The following FNDC3B variants were observed in gnomAD, a reference collection of about 807,000 sequenced individuals.
FNDC3B encodes the protein fibronectin type III domain-containing protein 3B.
In FNDC3B, 12 loss-of-function variants were observed where a neutral mutation model predicts 151.5. The observed-to-expected ratio is 0.08, with a 90% confidence interval of 0.05 to 0.13. The LOEUF (loss-of-function observed/expected upper bound fraction) is 0.13, where lower values mean the gene tolerates loss of function less well. FNDC3B is among the 10% of genes least tolerant of loss of function. FNDC3B has a pLI of 1.00. For missense variants in FNDC3B, 1,214 were observed against 1,505.3 expected, an observed-to-expected ratio of 0.81 and a Z score of 3.20; for synonymous variants, 528 against 549.0, an observed-to-expected ratio of 0.96 and a Z score of 0.54.
In FNDC3B at chr3:172,228,995, G is replaced by A. The variant is rs140505653; in HGVS notation, c.264+2048G>A. 2.0e-4 allele frequency among the ~76,000 whole-genome samples: 31 copies of A among 151,884 alleles called. 1 individual carries two copies. Among genetic ancestry groups the A allele is most frequent in the Non-Finnish European group, 2.9e-4 (20 of 67,982 alleles). On this transcript the variant is annotated intron_variant, in intron 4 of 25. Transcript: ENST00000415807. ...ACACTTCAATGAAATGAGGAAGGCC[G>A]AACCAAATATAAAATGTCTTAGTTG... is the stretch of plus-strand genomic sequence containing the variant.
intron 9 of FNDC3B, chr3:172,302,530 A>G (rs190592824): frequency 3.3e-5 from 5 of 152,286 alleles, no homozygotes; most frequent in African/African-American, 9.6e-5. Flanking sequence ...CACTTTTACT[A>G]TGAGGTTTTG....
rs113825796 is a variant in FNDC3B at position 172,270,143 on chromosome 3, A to G, written c.791-15783A>G. The stretch of plus-strand genomic sequence containing the variant: ...ATTTGACTGTTTTCCTAAATTTCCA[A>G]TGTTATTGTAGTGCTTGTTTTGTAA... On this transcript the variant is annotated intron_variant, in intron 6 of 25. Transcript: ENST00000415807. 3.0e-3 allele frequency among the ~76,000 whole-genome samples: 461 copies of G among 152,332 alleles called. 4 individuals carry two copies. The highest frequency in any genetic ancestry group is 0.011 in the African/African-American group (448 of 41,570).
intron 4 of FNDC3B, among the ~76,000 whole-genome samples, chr3:172,239,057 T>A (rs573245345): frequency 6.5e-4 from 99 of 151,802 alleles, no homozygotes; most frequent in Middle Eastern, 3.4e-3. Context: ...TAATTTATTT[T>A]TTTTTTTTTA....
intron 11 of FNDC3B, 120 bp from the exon 12 acceptor site, chr3:172,328,832 C>T (rs1732485411): frequency 2.8e-6 from 2 of 725,966 alleles, no homozygotes; most frequent in Non-Finnish European, 2.1e-6. Flanking sequence ...TGTTTTTGTT[C>T]ATTCAAACTA....
chr3:172,334,922 C>T (rs749307349), intron 14 of FNDC3B, 22 bp from the exon 15 acceptor site: 8 of 1,602,028 alleles, frequency 5.0e-6, no homozygotes, highest in East Asian at 4.5e-5. Context: ...ATCATGTTAA[C>T]GTTTCCTTGG....
At chr3:172,041,387 T>C (rs201902900) in intron 1 of FNDC3B, among the ~76,000 whole-genome samples, 25 of 109,746 alleles carry the variant, frequency 2.3e-4, no homozygotes, top group South Asian at 5.4e-4. Flanking sequence ...TTCTTTCTTT[T>C]TCTTTCTTTC....
At chr3:172,357,732 C>T (rs1734163335) in intron 22 of FNDC3B, among the ~76,000 whole-genome samples, 1 of 152,054 alleles carries the variant, frequency 6.6e-6, no homozygotes, top group Non-Finnish European at 1.5e-5. Flanking sequence ...TTATCAGTTC[C>T]TCAGTTTTTT....
intron 6 of FNDC3B, among the ~76,000 whole-genome samples, chr3:172,285,430 A>G (rs990276880): frequency 3.2e-4 from 49 of 152,214 alleles, no homozygotes; most frequent in African/African-American, 1.1e-3. Context: ...CTTTTCTTAG[A>G]CACCCCAGTG....
intron 1 of FNDC3B, among the ~76,000 whole-genome samples, chr3:172,061,976 A>G (rs78299545): frequency 0.036 from 5,450 of 152,236 alleles, 136 homozygotes; most frequent in Middle Eastern, 0.082. Context: ...AAAAACCATA[A>G]ACTTATTTAT....
At chr3:172,351,572 A>C (rs1433951241) in intron 21 of FNDC3B, among the ~76,000 whole-genome samples, 1 of 151,882 alleles carries the variant, frequency 6.6e-6, no homozygotes, top group Non-Finnish European at 1.5e-5. Flanking sequence ...AATTTGAACC[A>C]AAAATCTCGA....
At chr3:172,362,439 A>T (rs924727911) in intron 22 of FNDC3B, among the ~76,000 whole-genome samples, 194 bp from the exon 23 acceptor site, 1 of 151,938 alleles carries the variant, frequency 6.6e-6, no homozygotes, top group Non-Finnish European at 1.5e-5. Flanking sequence ...TTTTTTTTTT[A>T]AATGGAGACT....
intron 11 of FNDC3B, chr3:172,316,444 T>C (rs1191953322): frequency 2.2e-6 from 1 of 456,108 alleles, no homozygotes; most frequent in South Asian, 1.5e-5. Flanking sequence ...AACCTCTGGG[T>C]TGAGTCATTC....
chr3:172,144,161 C>T (rs189021814), intron 3 of FNDC3B, among the ~76,000 whole-genome samples: 106 of 152,064 alleles, frequency 7.0e-4, no homozygotes, highest in Non-Finnish European at 4.1e-4. Flanking sequence ...TGTCACATGG[C>T]GAGAGGAGGA....
intron 1 of FNDC3B, among the ~76,000 whole-genome samples, chr3:172,064,194 C>T (rs907917830): frequency 2.0e-5 from 3 of 152,098 alleles, no homozygotes; most frequent in Non-Finnish European, 4.4e-5. Flanking sequence ...ATTGCCCCTC[C>T]ACCATGTGAG....
chr3:172,333,004 A>G lies in FNDC3B; in HGVS notation c.1555-85A>G, dbSNP rs559098887. ...GCCAGTTGCTGGTGATGGTAGGGAA[A>G]GGCAGTATAAAAATCCTGTATTCAA... On this transcript the variant is annotated intron_variant, in intron 13 of 25. Coordinates refer to ENST00000415807, the MANE Select transcript of FNDC3B (RefSeq NM_022763.4). 87 of 852,472 alleles carry G rather than the reference A, an allele frequency of 1.0e-4. 1 individual carries two copies. In the East Asian group the frequency reaches 2.0e-3, roughly 20 times the overall value. The allele number at this position is 852,472 out of a possible 1,614,324, so 52.8% of individuals were successfully genotyped here. A position where few individuals can be genotyped will look rare whatever the true frequency, so the allele number is the denominator to read the frequency against.
chr3:172,056,587 C>T (rs1716930561), intron 1 of FNDC3B, among the ~76,000 whole-genome samples: 1 of 152,206 alleles, frequency 6.6e-6, no homozygotes, highest in African/African-American at 2.4e-5. Context: ...CTCTCAGTGT[C>T]TTAGCACTCT....
Position 172,380,977 on chromosome 3 carries a change from A to G in FNDC3B, c.3187A>G (p.Thr1063Ala). Residue 1063 changes from threonine to alanine, a missense_variant, in exon 25 of 26, where the codon ACA becomes GCA. By Grantham distance (58) the Thr-to-Ala change is moderately conservative. Transcript: ENST00000415807. ...GATTTGTATTTCAGCACCTCGAGTAACACAGTTAGAAGGAAATTCATGTGA... is the reference window on the plus strand; with the variant it reads ...GATTTGTATTTCAGCACCTCGAGTAGCACAGTTAGAAGGAAATTCATGTGA... ...VPPTIKAPRV[T>A]QLEGNSCEIL... is the part of the protein sequence containing the mutation. 2 of 1,613,466 alleles carry G rather than the reference A, an allele frequency of 1.2e-6. No homozygotes were observed. Among genetic ancestry groups the G allele is most frequent in the Non-Finnish European group, 1.7e-6 (2 of 1,179,490 alleles).
intron 4 of FNDC3B, among the ~76,000 whole-genome samples, chr3:172,247,252 C>CA (rs1430164162): frequency 6.6e-6 from 1 of 152,160 alleles, no homozygotes; most frequent in African/African-American, 2.4e-5. Flanking sequence ...AATTTTAAGA[C>CA]AAAAACAAGA....
At chr3:172,368,673 G>A (rs1211939464) in intron 23 of FNDC3B, among the ~76,000 whole-genome samples, 1 of 152,104 alleles carries the variant, frequency 6.6e-6, no homozygotes, top group African/African-American at 2.4e-5. Context: ...TGCAAATAAT[G>A]ATAGCTGTCT....
Sources: allele counts gnomAD v4.1 joint callset (sites outside exome capture counted in the v4.1 genomes callset), GRCh38; gene constraint gnomAD v4.1.1; transcripts MANE v1.5; gene names NCBI Gene and HGNC (gene_info 2026-07-23, HGNC 2026-07-21).